The following ZBTB7C variants were observed in gnomAD, a reference collection of about 807,000 sequenced individuals.
ZBTB7C encodes the protein zinc finger and BTB domain-containing protein 7C.
A neutral mutation model predicts 25.7 loss-of-function variants in ZBTB7C; 8 were observed. That is an observed-to-expected ratio of 0.31 (90% CI 0.18 to 0.56). ZBTB7C has a LOEUF of 0.56. Ranked by LOEUF, ZBTB7C falls within the 20% of genes least tolerant of loss-of-function variation. The pLI is 0.91. For missense variants in ZBTB7C, 824 were observed against 855.2 expected, an observed-to-expected ratio of 0.96 and a Z score of 0.46; for synonymous variants, 394 against 369.0, an observed-to-expected ratio of 1.07 and a Z score of -0.78.
At chr18:48,109,102 GT>G (rs1467045437) in intron 3 of ZBTB7C, among the ~76,000 whole-genome samples, 1 of 152,150 alleles carries the variant, frequency 6.6e-6, no homozygotes, top group African/African-American at 2.4e-5. Context: ...GCTCCCAGTT[GT>G]GGGGTGAGGG....
At chr18:48,256,926 G>A (rs1329672404) in intron 2 of ZBTB7C, among the ~76,000 whole-genome samples, 1 of 151,700 alleles carries the variant, frequency 6.6e-6, no homozygotes, top group Non-Finnish European at 1.5e-5. Context: ...TCCAAAGGAA[G>A]GCATAAAAAG....
At chr18:48,268,400 A>T (rs372659759) in intron 2 of ZBTB7C, among the ~76,000 whole-genome samples, 1 of 152,214 alleles carries the variant, frequency 6.6e-6, no homozygotes, top group Non-Finnish European at 1.5e-5. Context: ...ACAGCTGGGG[A>T]TTTATAGCCA....
chr18:48,123,843 T>C (rs745558881), intron 3 of ZBTB7C, among the ~76,000 whole-genome samples: 14 of 152,208 alleles, frequency 9.2e-5, no homozygotes, highest in African/African-American at 3.4e-4. Flanking sequence ...ATTAATGAGA[T>C]TGTAAACATA....
intron 1 of ZBTB7C, among the ~76,000 whole-genome samples, chr18:48,393,152 G>A (rs1326578790): frequency 6.6e-6 from 1 of 152,096 alleles, no homozygotes; most frequent in African/African-American, 2.4e-5. Context: ...GTTTATCCAA[G>A]CCCTGAAGAG....
intron 2 of ZBTB7C, among the ~76,000 whole-genome samples, chr18:48,260,437 T>C (rs1410484837): frequency 2.6e-5 from 4 of 152,208 alleles, no homozygotes; most frequent in South Asian, 2.1e-4. Flanking sequence ...GATGATGTCA[T>C]AGATGTATGC....
At chr18:48,319,138 G>GTGTGTGTT (rs922665722) in intron 2 of ZBTB7C, among the ~76,000 whole-genome samples, 1 of 152,028 alleles carries the variant, frequency 6.6e-6, no homozygotes, top group African/African-American at 2.4e-5. Flanking sequence ...GTGTGTGTGT[G>GTGTGTGTT]TGTAACCTTG....
rs58188629 is a variant in ZBTB7C at position 48,219,515 on chromosome 18, C to A, written c.-78-33520G>T. ...GAGGTACACAGCTTAAGTGCCTTCC[C>A]AGGTCACACAGCCTGTAAATAGCGG... On this transcript the variant is annotated intron_variant, in intron 2 of 4. Transcript: ENST00000590800. Among the ~76,000 whole-genome samples the A allele has an allele frequency of 7.8e-3, 1,187 of 152,278 alleles. 22 individuals are homozygous for A. Among genetic ancestry groups the A allele is most frequent in the African/African-American group, 0.027 (1,129 of 41,534 alleles).
intron 2 of ZBTB7C, among the ~76,000 whole-genome samples, chr18:48,218,857 T>C (rs2042886777): frequency 6.6e-6 from 1 of 152,126 alleles, no homozygotes; most frequent in African/African-American, 2.4e-5. Context: ...AGCCTACACT[T>C]GGAAGACAGC....
At chr18:48,384,386 G>A (rs996440661) in intron 1 of ZBTB7C, among the ~76,000 whole-genome samples, 6 of 152,344 alleles carry the variant, frequency 3.9e-5, no homozygotes, top group South Asian at 4.1e-4. Flanking sequence ...TTCAGAACAC[G>A]ACTGGTGAAG....
intron 1 of ZBTB7C, among the ~76,000 whole-genome samples, chr18:48,366,936 A>G (rs1568403578): frequency 6.6e-6 from 1 of 152,028 alleles, no homozygotes; most frequent in Non-Finnish European, 1.5e-5. Flanking sequence ...TGAGAAGGAC[A>G]CACCGCACTG....
rs1300140819 is a variant in ZBTB7C, at chr18:48,027,810, GC to G, written c.*1449del. 6.6e-6 allele frequency: 1 copy of G among 152,304 alleles called. No individual in the cohort carries two copies. Among genetic ancestry groups the G allele is most frequent in the African/African-American group, 2.4e-5 (1 of 41,458 alleles). 9.4% of individuals were successfully genotyped at this position (152,304 alleles called of 1,614,324 possible). On this transcript the variant is annotated 3_prime_UTR_variant, in exon 5 of 5. Coordinates refer to ENST00000590800, the MANE Select transcript of ZBTB7C (RefSeq NM_001318841.2). The stretch of plus-strand genomic sequence containing the variant: ...CTGCTCAGAAACCAAAGCAAACTTG[GC>G]AAGAAAAGAGAGGGGAGGGAAGGAG...
intron 3 of ZBTB7C, among the ~76,000 whole-genome samples, chr18:48,098,784 T>G (rs1040296834): frequency 6.6e-6 from 1 of 152,236 alleles, no homozygotes; most frequent in Non-Finnish European, 1.5e-5. Flanking sequence ...CAAGCACAGC[T>G]AATCCTAAGG....
At chr18:48,299,111 A>G (rs1399056202) in intron 2 of ZBTB7C, among the ~76,000 whole-genome samples, 2 of 152,152 alleles carry the variant, frequency 1.3e-5, no homozygotes, top group Admixed American at 6.5e-5. Context: ...CAGCATCAGG[A>G]GCAGAAAATA....
In ZBTB7C at chr18:48,337,262, G is replaced by A. The variant is rs191514516; in HGVS notation, c.-79+912C>T. On this transcript the variant is annotated intron_variant, in intron 2 of 4. Transcript: ENST00000590800. Reference sequence around the variant, plus strand: ...CACTGGCCCTTCTCCCCTTGCCTTGGTCAGTTTCCCAAGGCCCCAAGCTAT... The same window carrying A: ...CACTGGCCCTTCTCCCCTTGCCTTGATCAGTTTCCCAAGGCCCCAAGCTAT... Among the ~76,000 whole-genome samples, 218 of 152,278 alleles carry A rather than the reference G, an allele frequency of 1.4e-3. 2 individuals are homozygous for A. The highest frequency in any genetic ancestry group is 3.5e-3 in the South Asian group (17 of 4,812).
intron 3 of ZBTB7C, among the ~76,000 whole-genome samples, chr18:48,056,584 T>C (rs993483220): frequency 1.3e-5 from 2 of 152,142 alleles, no homozygotes; most frequent in African/African-American, 4.8e-5. Flanking sequence ...CATAAATTCA[T>C]GTAGGTATGA....
intron 1 of ZBTB7C, among the ~76,000 whole-genome samples, chr18:48,340,210 T>G (rs1023308094): frequency 5.3e-5 from 8 of 152,196 alleles, no homozygotes; most frequent in Non-Finnish European, 2.9e-5. Context: ...ACCTAGGACA[T>G]TCCTACTTAG....
In ZBTB7C at chr18:48,029,879, T is replaced by A; in HGVS notation, c.1241A>T (p.His414Leu). The A allele has an allele frequency of 6.2e-7, 1 of 1,611,750 alleles. No homozygotes were observed. The highest frequency in any genetic ancestry group is 8.5e-7 in the Non-Finnish European group (1 of 1,180,008). The change falls in exon 5 of 5, where the codon CAC (histidine) becomes CTC (leucine). Residue 414 changes from histidine (H) to leucine (L), a missense_variant. His to Leu is a moderately conservative substitution (Grantham distance 99, BLOSUM62 -3). This residue lies in a region of ZBTB7C where 49 missense variants were observed against 81.3 expected (regional missense o/e 0.60). Coordinates refer to ENST00000590800, the MANE Select transcript of ZBTB7C (RefSeq NM_001318841.2). ...QDKLKIHMRK[H>L]TGERPYLCIH... ...GCACAGGTAGGGCCGCTCCCCTGTGTGCTTCCGCATGTGGATTTTCAGCTT... is the reference window on the plus strand; with the variant it reads ...GCACAGGTAGGGCCGCTCCCCTGTGAGCTTCCGCATGTGGATTTTCAGCTT...
intron 2 of ZBTB7C, among the ~76,000 whole-genome samples, chr18:48,304,290 C>T (rs1442562597): frequency 6.6e-6 from 1 of 152,238 alleles, no homozygotes; most frequent in African/African-American, 2.4e-5. Context: ...TATTACTTTA[C>T]TGAGACCAGA....
At position 48,291,982 on chromosome 18, in the gene ZBTB7C, G is replaced by A. The variant is rs1598797652; in HGVS notation, c.-79+46192C>T. Among the ~76,000 whole-genome samples the A allele has an allele frequency of 2.0e-5, 3 of 152,286 alleles. No individual in the cohort carries two copies. In the South Asian group the frequency reaches 6.2e-4, roughly 32 times the overall value. On this transcript the variant is annotated intron_variant, in intron 2 of 4. Coordinates refer to ENST00000590800, the MANE Select transcript of ZBTB7C (RefSeq NM_001318841.2). ...GGAGGCTGAGGCAGGCAGATCACCTGAGGTCAGGAGTTTGAGGCCAGCCTG... is the reference window on the plus strand; with the variant it reads ...GGAGGCTGAGGCAGGCAGATCACCTAAGGTCAGGAGTTTGAGGCCAGCCTG...
Sources: allele counts gnomAD v4.1 joint callset (sites outside exome capture counted in the v4.1 genomes callset), GRCh38; gene constraint gnomAD v4.1.1; regional missense constraint gnomAD v4.1.1; transcripts MANE v1.5; gene names NCBI Gene and HGNC (gene_info 2026-07-23, HGNC 2026-07-21).